ZMIZ1: variants seen among roughly 807,000 people sequenced by gnomAD.
ZMIZ1 encodes zinc finger MIZ domain-containing protein 1.
Under a neutral mutation model 113.9 loss-of-function variants are expected in ZMIZ1, and 17 were observed. That is an observed-to-expected ratio of 0.15 (90% CI 0.10 to 0.22). ZMIZ1 has a LOEUF of 0.22. Ranked by LOEUF, ZMIZ1 falls within the 10% of genes least tolerant of loss-of-function variation. The pLI, the probability that ZMIZ1 is intolerant of heterozygous loss-of-function variation, is 1.00. For synonymous variants in ZMIZ1, 607 were observed against 603.1 expected (o/e 1.01, Z -0.09); for missense variants, 1,059 against 1,477.8 (o/e 0.72, Z 4.65).
intron 14 of ZMIZ1, 47 bp downstream of exon 14, chr10:79,297,737 G>T (rs746227264): frequency 9.7e-6 from 15 of 1,545,538 alleles, no homozygotes; most frequent in Non-Finnish European, 8.0e-6. Context: ...GGGAGTTGTT[G>T]CCTCTAAAGG....
At chr10:79,071,859 C>T (rs1842295966) in intron 1 of ZMIZ1, among the ~76,000 whole-genome samples, 1 of 151,816 alleles carries the variant, frequency 6.6e-6, no homozygotes, top group Non-Finnish European at 1.5e-5. Flanking sequence ...TTGTTTTCCC[C>T]CAAAGGACAG....
At chr10:79,135,570 C>T (rs566347347) in intron 2 of ZMIZ1, among the ~76,000 whole-genome samples, 8 of 152,334 alleles carry the variant, frequency 5.3e-5, no homozygotes, top group African/African-American at 1.9e-4. Context: ...TGTTCTCTTT[C>T]TTCCTGGCCA....
intron 1 of ZMIZ1, among the ~76,000 whole-genome samples, chr10:79,107,224 G>T (rs1190087978): frequency 1.3e-5 from 2 of 151,548 alleles, no homozygotes; most frequent in East Asian, 3.9e-4. Flanking sequence ...AGAACTTTCT[G>T]CATCCTGCTA....
rs1180009480 is a variant in ZMIZ1 at position 79,216,109 on chromosome 10, GGCATATCCATT to G, written c.175-58_175-48del. 1.9e-4 allele frequency: 236 copies of G among 1,268,316 alleles called. No homozygotes were observed. In the African/African-American group the frequency reaches 3.5e-3, roughly 19 times the overall value. The allele number at this position is 1,268,316 out of a possible 1,614,324, so 78.6% of individuals were successfully genotyped here. A position where few individuals can be genotyped will look rare whatever the true frequency, so the allele number is the denominator to read the frequency against. On this transcript the variant is annotated intron_variant, in intron 6 of 24. Transcript: ENST00000334512. ...CCTCACCCACTTCACCTGCAAAATGGGCATATCCATTGGCTCTGGGCTCCGTGACTCACCTG... is the reference window on the plus strand; with the variant it reads ...CCTCACCCACTTCACCTGCAAAATGGGGCTCTGGGCTCCGTGACTCACCTG...
At chr10:79,170,502 C>T (rs1161687068) in intron 4 of ZMIZ1, among the ~76,000 whole-genome samples, 1 of 152,154 alleles carries the variant, frequency 6.6e-6, no homozygotes, top group Non-Finnish European at 1.5e-5. Flanking sequence ...TTGGCCATTC[C>T]CTTGCCTTCC....
intron 11 of ZMIZ1, 84 bp from the exon 12 acceptor site, chr10:79,293,297 C>G (rs1853637421): frequency 6.7e-7 from 1 of 1,490,556 alleles, no homozygotes; most frequent in East Asian, 2.3e-5. Flanking sequence ...CCTCCCCAAC[C>G]CTTCCCTCCC....
chr10:79,093,135 A>AAC (rs5786379), intron 1 of ZMIZ1, among the ~76,000 whole-genome samples: 9,992 of 107,774 alleles, frequency 0.093, 497 homozygotes, highest in Admixed American at 0.12. Context: ...CCCCACCCCC[A>AAC]ACACACACAC....
At position 79,277,313 on chromosome 10, in the gene ZMIZ1, C is replaced by T; in HGVS notation, c.413C>T (p.Thr138Ile). 6.3e-7 allele frequency: 1 copy of T among 1,596,914 alleles called. No individual in the cohort carries two copies. The highest frequency in any genetic ancestry group is 8.5e-7 in the Non-Finnish European group (1 of 1,172,234). The change falls in exon 8 of 25, where the codon ACT becomes ATT. Residue 138 changes from threonine (T) to isoleucine (I), a missense_variant. By Grantham distance (89) the Thr-to-Ile change is moderately conservative. Transcript: ENST00000334512. ...AGCTCCATGAGCTCCATGAAACCCA[C>T]TCTGTCGCACAGGTAAGTGGGTGGG... Reference protein sequence around the residue: ...PLSSMSSMKPTLSHSDGSFPY... With the variant: ...PLSSMSSMKPILSHSDGSFPY...
At position 79,297,654 on chromosome 10, in the gene ZMIZ1, C is replaced by G; in HGVS notation, c.1455C>G (p.Ser485Arg). Residue 485 changes from serine (S) to arginine (R), a missense_variant, in exon 14 of 25, where the codon AGC (serine) becomes AGG (arginine). By Grantham distance (110) the Ser-to-Arg change is moderately radical. Coordinates refer to ENST00000334512, the MANE Select transcript of ZMIZ1 (RefSeq NM_020338.4). ...GACAAAATAACACGTTCTCGGGAAG[C>G]AGCTACAGTAACTACAGCCAAGGGA... ...FNGQNNTFSG[S>R]SYSNYSQGNV... 2 of 1,614,138 alleles carry G rather than the reference C, an allele frequency of 1.2e-6. No individual in the cohort carries two copies. The highest frequency in any genetic ancestry group is 1.7e-5 in the Admixed American group (1 of 60,018).
At chr10:79,216,515 G>A in intron 7 of ZMIZ1, 1 of 364,952 alleles carries the variant, frequency 2.7e-6, no homozygotes, top group African/African-American at 2.1e-5. Flanking sequence ...AGGCTCCCGA[G>A]GCACACCAAA....
chr10:79,302,034 G>A (rs1854338230), intron 17 of ZMIZ1, 73 bp from the exon 18 acceptor site: 10 of 1,486,410 alleles, frequency 6.7e-6, no homozygotes, highest in Non-Finnish European at 9.3e-6. Flanking sequence ...GCAGTCTAGG[G>A]CTGCTGAGGC....
At chr10:79,275,204 G>C (rs747723929) in intron 7 of ZMIZ1, among the ~76,000 whole-genome samples, 1 of 152,256 alleles carries the variant, frequency 6.6e-6, no homozygotes, top group Admixed American at 6.5e-5. Flanking sequence ...TAGCACATGT[G>C]TGCTGGACAC....
chr10:79,246,419 G>A (rs1368026277), intron 7 of ZMIZ1, among the ~76,000 whole-genome samples: 1 of 152,116 alleles, frequency 6.6e-6, no homozygotes, highest in Non-Finnish European at 1.5e-5. Flanking sequence ...CGGGCGCGAG[G>A]CTCTCTGGGC....
At chr10:79,307,640 C>T (rs1854814877) in intron 23 of ZMIZ1, 69 bp downstream of exon 23, 2 of 1,520,444 alleles carry the variant, frequency 1.3e-6, no homozygotes, top group African/African-American at 1.4e-5. Context: ...ATCTGGATAC[C>T]CTGTTCCCTC....
chr10:79,141,245 A>G (rs1012316986), intron 3 of ZMIZ1, among the ~76,000 whole-genome samples: 1 of 152,060 alleles, frequency 6.6e-6, no homozygotes, highest in Non-Finnish European at 1.5e-5. Context: ...TCTGTCAGGA[A>G]CTCTTTAAGT....
At chr10:79,101,723 G>C (rs1221451265) in intron 1 of ZMIZ1, among the ~76,000 whole-genome samples, 2 of 152,176 alleles carry the variant, frequency 1.3e-5, no homozygotes, top group South Asian at 2.1e-4. Context: ...GCCAGGTGAC[G>C]GCCGTCCTGG....
chr10:79,170,930 G>A (rs1846570746), intron 4 of ZMIZ1, among the ~76,000 whole-genome samples: 1 of 152,160 alleles, frequency 6.6e-6, no homozygotes, highest in African/African-American at 2.4e-5. Flanking sequence ...AAGCTGCTGA[G>A]CCCCTAGGAA....
At chr10:79,305,310 ACCT>A in intron 20 of ZMIZ1, 79 bp downstream of exon 20, 1 of 1,517,970 alleles carries the variant, frequency 6.6e-7, no homozygotes, top group South Asian at 1.1e-5. Flanking sequence ...TCCCACCTCC[ACCT>A]GCCCTAAATG....
chr10:79,167,777 C>T lies in ZMIZ1; in HGVS notation c.-50+5644C>T, dbSNP rs538102615. Among the ~76,000 whole-genome samples the T allele has an allele frequency of 5.9e-5, 9 of 152,284 alleles. 1 individual carries two copies. The South Asian group carries it at 8.3e-4, about 14-fold the overall frequency. On this transcript the variant is annotated intron_variant, in intron 4 of 24. Coordinates refer to ENST00000334512, the MANE Select transcript of ZMIZ1 (RefSeq NM_020338.4). ...CCTGACAGTGCGCATACACCCTAGA[C>T]GGAGCTAGGAGGGTGAGAGCCTTTG...
Sources: allele counts gnomAD v4.1 joint callset (sites outside exome capture counted in the v4.1 genomes callset), GRCh38; gene constraint gnomAD v4.1.1; transcripts MANE v1.5; gene names NCBI Gene and HGNC (gene_info 2026-07-23, HGNC 2026-07-21).